FSBP: variants seen among roughly 807,000 people sequenced by gnomAD.
FSBP encodes fibrinogen silencer-binding protein.
A neutral mutation model predicts 24.6 loss-of-function variants in FSBP; 18 were observed. That is an observed-to-expected ratio of 0.73 (90% CI 0.51 to 1.08). FSBP has a LOEUF of 1.08. FSBP is among the 50% of genes least tolerant of loss of function. The pLI, the probability that FSBP is intolerant of heterozygous loss-of-function variation, is 0.00. For missense variants in FSBP, 305 were observed against 347.6 expected, an observed-to-expected ratio of 0.88 and a Z score of 0.98; for synonymous variants, 110 against 125.8, an observed-to-expected ratio of 0.87 and a Z score of 0.84.
chr8:94,429,684 T>C lies in FSBP; in HGVS notation c.*2447A>G. 6 of 983,192 alleles carry C rather than the reference T, an allele frequency of 6.1e-6. No homozygotes were observed. The highest frequency in any genetic ancestry group is 7.2e-6 in the Non-Finnish European group (6 of 827,906). 60.9% of individuals were successfully genotyped at this position (983,192 alleles called of 1,614,324 possible). A position where few individuals can be genotyped will look rare whatever the true frequency, so the allele number is the denominator to read the frequency against. ...ATTCATTAGACTCAAAGAAAAGTCA[T>C]AGCACAGATTAAAGAGAAAAGGTAA... is the stretch of plus-strand genomic sequence containing the variant. On this transcript the variant is annotated 3_prime_UTR_variant, in exon 2 of 2. Transcript: ENST00000481490.
Position 94,429,310 on chromosome 8 carries a change from G to T in FSBP, c.*2821C>A. The stretch of plus-strand genomic sequence containing the variant: ...ATGGGCAGCAAAGGAATTTTCAAGG[G>T]CTATTTTGTATATACATAATTTTTA... On this transcript the variant is annotated 3_prime_UTR_variant, in exon 2 of 2. Transcript: ENST00000481490. 4.6e-6 allele frequency: 2 copies of T among 438,630 alleles called. No homozygotes were observed. The highest frequency in any genetic ancestry group is 6.0e-6 in the Non-Finnish European group (2 of 330,702). The allele number at this position is 438,630 out of a possible 1,614,324, so 27.2% of individuals were successfully genotyped here. A position where few individuals can be genotyped will look rare whatever the true frequency, so the allele number is the denominator to read the frequency against.
chr8:94,427,947 A>C lies in FSBP; in HGVS notation c.*4184T>G, dbSNP rs1218277043. ...ATGACTCCTTAAAAAAAAAAATGAAATAACACCAAGTTAATATCTCATCAT... is the reference window on the plus strand; with the variant it reads ...ATGACTCCTTAAAAAAAAAAATGAACTAACACCAAGTTAATATCTCATCAT... On this transcript the variant is annotated 3_prime_UTR_variant, in exon 2 of 2. Coordinates refer to ENST00000481490, the MANE Select transcript of FSBP (RefSeq NM_001256141.2). 1.1e-6 allele frequency: 1 copy of C among 913,626 alleles called. No homozygotes were observed. Among genetic ancestry groups the C allele is most frequent in the East Asian group, 1.2e-4 (1 of 8,444 alleles). 56.6% of individuals were successfully genotyped at this position (913,626 alleles called of 1,614,324 possible).
In FSBP at chr8:94,430,915, A is replaced by C; in HGVS notation, c.*1216T>G. 1.0e-6 allele frequency: 1 copy of C among 985,410 alleles called. No individual in the cohort carries two copies. Among genetic ancestry groups the C allele is most frequent in the Non-Finnish European group, 1.2e-6 (1 of 829,930 alleles). The allele number at this position is 985,410 out of a possible 1,614,324, so 61.0% of individuals were successfully genotyped here. A position where few individuals can be genotyped will look rare whatever the true frequency, so the allele number is the denominator to read the frequency against. On this transcript the variant is annotated 3_prime_UTR_variant, in exon 2 of 2. Transcript: ENST00000481490. ...TACATTCACTTAAAATCAATGGCTT[A>C]GCACTGCATTTGTGCTTATATACTC...
rs905967203 is a variant in FSBP at position 94,436,636 on chromosome 8, T to C, written c.233A>G (p.Tyr78Cys). 1.3e-6 allele frequency: 2 copies of C among 1,550,450 alleles called. No homozygotes were observed. The highest frequency in any genetic ancestry group is 2.7e-5 in the African/African-American group (2 of 73,062). The change falls in exon 1 of 2, where the codon TAT (tyrosine) becomes TGT (cysteine). Residue 78 changes from tyrosine to cysteine, a missense_variant. Transcript: ENST00000481490. Reference protein sequence around the residue: ...LRTLYKRLKEYAKQELLQQKE... With the variant: ...LRTLYKRLKECAKQELLQQKE... ...TTGCTGCAATAGCTCCTGTTTGGCATATTCTTTGAGCCTTTTATAAAGGGT... is the reference window on the plus strand; with the variant it reads ...TTGCTGCAATAGCTCCTGTTTGGCACATTCTTTGAGCCTTTTATAAAGGGT...
chr8:94,436,010 A>G (rs1302730594), intron 1 of FSBP, among the ~76,000 whole-genome samples: 2 of 152,144 alleles, frequency 1.3e-5, no homozygotes, highest in African/African-American at 4.8e-5. Flanking sequence ...GATTTTGTTT[A>G]TATTTGTTAG....
chr8:94,435,579 G>T (rs1812232873), intron 1 of FSBP, among the ~76,000 whole-genome samples: 2 of 152,028 alleles, frequency 1.3e-5, no homozygotes, highest in Admixed American at 6.6e-5. Context: ...TTCAGAATAA[G>T]AATGTAGCTG....
In FSBP at chr8:94,431,440, T is replaced by C. The variant is rs539451711; in HGVS notation, c.*691A>G. ...TTAAAGGCAATTTTAATGAAAGAAA[T>C]GCTTCTAATATTTAAATCTAGAGAA... is the stretch of plus-strand genomic sequence containing the variant. On this transcript the variant is annotated 3_prime_UTR_variant, in exon 2 of 2. Coordinates refer to ENST00000481490, the MANE Select transcript of FSBP (RefSeq NM_001256141.2). The C allele has an allele frequency of 5.6e-5, 55 of 980,394 alleles. No homozygotes were observed. In the African/African-American group the frequency reaches 9.4e-4, roughly 17 times the overall value. 60.7% of individuals were successfully genotyped at this position (980,394 alleles called of 1,614,324 possible).
intron 1 of FSBP, among the ~76,000 whole-genome samples, chr8:94,434,901 A>G (rs1388914625): frequency 6.6e-6 from 1 of 151,418 alleles, no homozygotes; most frequent in Non-Finnish European, 1.5e-5. Context: ...TTTGTGTGTG[A>G]ATATTGTAAA....
In FSBP at chr8:94,429,491, T is replaced by C. The variant is rs1812031238; in HGVS notation, c.*2640A>G. ...CTCTGATTTGCTGTAAAAGCCAACA[T>C]TTAAATTGAACATTCATTATCAATT... On this transcript the variant is annotated 3_prime_UTR_variant, in exon 2 of 2. Coordinates refer to ENST00000481490, the MANE Select transcript of FSBP (RefSeq NM_001256141.2). 1 of 983,966 alleles carries C rather than the reference T, an allele frequency of 1.0e-6. No individual in the cohort carries two copies. The highest frequency in any genetic ancestry group is 4.7e-5 in the South Asian group (1 of 21,242). 61.0% of individuals were successfully genotyped at this position (983,966 alleles called of 1,614,324 possible). A position where few individuals can be genotyped will look rare whatever the true frequency, so the allele number is the denominator to read the frequency against.
chr8:94,432,789 T>A, intron 1 of FSBP, 133 bp from the exon 2 acceptor site: 1 of 1,167,844 alleles, frequency 8.6e-7, no homozygotes, highest in Non-Finnish European at 1.1e-6. Flanking sequence ...TAAAAAAAAA[T>A]CTTAAACACT....
Position 94,432,023 on chromosome 8 carries a change from G to T in FSBP, c.*108C>A, listed in dbSNP as rs1208129555. ...ATATCTAAAAAGTTTTTCCATAATA[G>T]AGATTAACAACATTTTTCAAGAACG... On this transcript the variant is annotated 3_prime_UTR_variant, in exon 2 of 2. Coordinates refer to ENST00000481490, the MANE Select transcript of FSBP (RefSeq NM_001256141.2). The T allele has an allele frequency of 4.4e-6, 6 of 1,371,506 alleles. No homozygotes were observed. In the African/African-American group the frequency reaches 7.3e-5, roughly 17 times the overall value. The allele number at this position is 1,371,506 out of a possible 1,614,324, so 85.0% of individuals were successfully genotyped here. A position where few individuals can be genotyped will look rare whatever the true frequency, so the allele number is the denominator to read the frequency against.
At chr8:94,434,570 G>A (rs182901090) in intron 1 of FSBP, among the ~76,000 whole-genome samples, 1,898 of 151,766 alleles carry the variant, frequency 0.013, 35 homozygotes, top group Non-Finnish European at 0.016. Flanking sequence ...TTATTAAAAA[G>A]GAAGAGTTTG....
chr8:94,431,373 G>C lies in FSBP; in HGVS notation c.*758C>G, dbSNP rs1355354643. ...GGAACAAAAATAGAGAGAGAATGGG[G>C]GTAATTGATGTAATTATCCTGATTT... is the stretch of plus-strand genomic sequence containing the variant. On this transcript the variant is annotated 3_prime_UTR_variant, in exon 2 of 2. Coordinates refer to ENST00000481490, the MANE Select transcript of FSBP (RefSeq NM_001256141.2). 1.0e-6 allele frequency: 1 copy of C among 984,302 alleles called. No individual in the cohort carries two copies. Among genetic ancestry groups the C allele is most frequent in the Non-Finnish European group, 1.2e-6 (1 of 829,192 alleles). 61.0% of individuals were successfully genotyped at this position (984,302 alleles called of 1,614,324 possible). A position where few individuals can be genotyped will look rare whatever the true frequency, so the allele number is the denominator to read the frequency against.
In FSBP at chr8:94,430,935, A is replaced by G; in HGVS notation, c.*1196T>C. 1.0e-6 allele frequency: 1 copy of G among 985,312 alleles called. No individual in the cohort carries two copies. Among genetic ancestry groups the G allele is most frequent in the South Asian group, 4.7e-5 (1 of 21,282 alleles). 61.0% of individuals were successfully genotyped at this position (985,312 alleles called of 1,614,324 possible). ...GGCTTAGCACTGCATTTGTGCTTAT[A>G]TACTCAATCCACTTTTTCCCATTCT... On this transcript the variant is annotated 3_prime_UTR_variant, in exon 2 of 2. Transcript: ENST00000481490.
rs1812049711 is a variant in FSBP, at chr8:94,430,071, T to C, written c.*2060A>G. 1 of 957,700 alleles carries C rather than the reference T, an allele frequency of 1.0e-6. No homozygotes were observed. 59.3% of individuals were successfully genotyped at this position (957,700 alleles called of 1,614,324 possible). ...GCTCAAGCCTGTAATCCCAGCACTT[T>C]GGGAGGCCGAGGCGGGCAGATCACG... On this transcript the variant is annotated 3_prime_UTR_variant, in exon 2 of 2. Transcript: ENST00000481490.
chr8:94,429,161 G>A lies in FSBP; in HGVS notation c.*2970C>T. The A allele has an allele frequency of 1.0e-6, 1 of 953,300 alleles. No homozygotes were observed. Among genetic ancestry groups the A allele is most frequent in the Non-Finnish European group, 1.2e-6 (1 of 800,858 alleles). 59.1% of individuals were successfully genotyped at this position (953,300 alleles called of 1,614,324 possible). A position where few individuals can be genotyped will look rare whatever the true frequency, so the allele number is the denominator to read the frequency against. Reference sequence around the variant, plus strand: ...GGTGTTTAAAAATATGTAAAAATAGGTTTCTTATTGTATACAGCCCCTAAA... The same window carrying A: ...GGTGTTTAAAAATATGTAAAAATAGATTTCTTATTGTATACAGCCCCTAAA... On this transcript the variant is annotated 3_prime_UTR_variant, in exon 2 of 2. Coordinates refer to ENST00000481490, the MANE Select transcript of FSBP (RefSeq NM_001256141.2).
rs909499520 is a variant in FSBP, at chr8:94,430,383, A to G, written c.*1748T>C. The G allele has an allele frequency of 1.5e-5, 15 of 985,102 alleles. No individual in the cohort carries two copies. In the African/African-American group the frequency reaches 1.6e-4, roughly 10 times the overall value. 61.0% of individuals were successfully genotyped at this position (985,102 alleles called of 1,614,324 possible). On this transcript the variant is annotated 3_prime_UTR_variant, in exon 2 of 2. Transcript: ENST00000481490. Reference sequence around the variant, plus strand: ...ACCATCATCCAAATTTATATCCCTCAGTTCACTTTCAACTACTCTTCGACA... The same window carrying G: ...ACCATCATCCAAATTTATATCCCTCGGTTCACTTTCAACTACTCTTCGACA...
At chr8:94,433,015 C>A (rs1013595831) in intron 1 of FSBP, among the ~76,000 whole-genome samples, 1 of 152,118 alleles carries the variant, frequency 6.6e-6, no homozygotes, top group African/African-American at 2.4e-5. Context: ...TGTACAGAGC[C>A]ATTTAATGCA....
Position 94,428,305 on chromosome 8 carries a change from A to AC in FSBP, c.*3825dup. ...TACATTTTGTAATTAAAGCTCATGG[A>AC]CCCCAAACAATTGTCTATGATATGC... is the stretch of plus-strand genomic sequence containing the variant. On this transcript the variant is annotated 3_prime_UTR_variant, in exon 2 of 2. Transcript: ENST00000481490. The AC allele has an allele frequency of 1.0e-6, 1 of 982,846 alleles. No homozygotes were observed. The highest frequency in any genetic ancestry group is 1.2e-6 in the Non-Finnish European group (1 of 827,622). 60.9% of individuals were successfully genotyped at this position (982,846 alleles called of 1,614,324 possible).
Sources: gnomAD v4.1 joint callset for allele counts (sites outside exome capture counted in the v4.1 genomes callset) on GRCh38, gnomAD v4.1.1 for gene constraint, MANE v1.5 for transcripts, NCBI Gene and HGNC (gene_info 2026-07-23, HGNC 2026-07-21) for gene names.